Variants in SLC25A48 observed in about 807,000 individuals in gnomAD.
The protein encoded by SLC25A48 is solute carrier family 25 member 48, also known as CTC-321K16.1.
SLC25A48 carries 29 observed loss-of-function variants against 32.2 expected under a neutral mutation model. The observed-to-expected ratio is 0.90, with a 90% CI of 0.67 to 1.23. The LOEUF (loss-of-function observed/expected upper bound fraction) is 1.23, where lower values mean the gene tolerates loss of function less well. Among genes scored for constraint, SLC25A48 ranks in the 50% most tolerant of loss-of-function variants. SLC25A48 has a pLI of 0.00. For synonymous variants in SLC25A48, 164 were observed against 172.3 expected (o/e 0.95, Z 0.38); for missense variants, 399 against 422.7 (o/e 0.94, Z 0.49).
chr5:135,879,587 A>G (rs1309201366), intron 6 of SLC25A48, among the ~76,000 whole-genome samples: 1 of 127,936 alleles, frequency 7.8e-6, no homozygotes, highest in African/African-American at 3.4e-5. Context: ...TCCCGAGGAG[A>G]GAGAGAGAGA....
At chr5:135,871,831 C>T in intron 5 of SLC25A48, 113 bp downstream of exon 5, 3 of 1,544,056 alleles carry the variant, frequency 1.9e-6, no homozygotes, top group Non-Finnish European at 2.6e-6. Context: ...CATTTAGGTA[C>T]TCACCCAACA....
chr5:135,741,258 G>A (rs1056994948), intron 3 of SLC25A48, among the ~76,000 whole-genome samples: 1 of 152,148 alleles, frequency 6.6e-6, no homozygotes, highest in African/African-American at 2.4e-5. Flanking sequence ...TTTTATTAAA[G>A]TTGACATCCA....
In SLC25A48 at chr5:135,718,562, C is replaced by A. The variant is rs569312035; in HGVS notation, c.-521+83606C>A. Among the ~76,000 whole-genome samples, 15 of 152,250 alleles carry A rather than the reference C, an allele frequency of 9.9e-5. No homozygotes were observed. In the South Asian group the frequency reaches 2.9e-3, roughly 30 times the overall value. On this transcript the variant is annotated intron_variant, in intron 3 of 10. Transcript: ENST00000646290. ...GAAGAATTTAGCACCATGACTGTCA[C>A]ACAGTAATAATGAATATAAACGTGT...
At chr5:135,788,268 A>G (rs1169929742) in intron 3 of SLC25A48, among the ~76,000 whole-genome samples, 2 of 150,666 alleles carry the variant, frequency 1.3e-5, no homozygotes, top group African/African-American at 4.9e-5. Flanking sequence ...ATTATTCACT[A>G]TGGGGTGGGG....
intron 4 of SLC25A48, among the ~76,000 whole-genome samples, chr5:135,860,652 T>C (rs1053009880): frequency 1.3e-5 from 2 of 152,224 alleles, no homozygotes; most frequent in Non-Finnish European, 2.9e-5. Flanking sequence ...GTGAATTGCA[T>C]AGAATGGGGC....
chr5:135,766,750 T>G (rs1756242740), intron 3 of SLC25A48, among the ~76,000 whole-genome samples: 1 of 149,868 alleles, frequency 6.7e-6, no homozygotes, highest in South Asian at 2.1e-4. Flanking sequence ...CAGGAGTGTA[T>G]ACACCCCTGT....
At chr5:135,822,719 T>C (rs374679653) in intron 4 of SLC25A48, among the ~76,000 whole-genome samples, 10 of 152,226 alleles carry the variant, frequency 6.6e-5, no homozygotes, top group African/African-American at 2.4e-4. Flanking sequence ...GACTTGAACA[T>C]GTCCTATGGG....
intron 3 of SLC25A48, among the ~76,000 whole-genome samples, chr5:135,642,840 G>A (rs946778858): frequency 6.6e-6 from 1 of 152,198 alleles, no homozygotes; most frequent in African/African-American, 2.4e-5. Flanking sequence ...ACTCAAATGT[G>A]GCTCCTGATG....
chr5:135,775,411 G>A (rs1756528292), intron 3 of SLC25A48, among the ~76,000 whole-genome samples: 1 of 151,536 alleles, frequency 6.6e-6, no homozygotes, highest in South Asian at 2.1e-4. Flanking sequence ...TCCCTATATT[G>A]TTTCTAATGT....
At chr5:135,642,879 G>C (rs1360154704) in intron 3 of SLC25A48, among the ~76,000 whole-genome samples, 2 of 152,190 alleles carry the variant, frequency 1.3e-5, no homozygotes, top group Non-Finnish European at 2.9e-5. Flanking sequence ...GAGAGAAAAG[G>C]GCACAGGCTC....
intron 3 of SLC25A48, among the ~76,000 whole-genome samples, chr5:135,766,643 T>C (rs1175082143): frequency 7.1e-6 from 1 of 139,962 alleles, no homozygotes; most frequent in East Asian, 2.3e-4. Context: ...ATAATATCCA[T>C]GGGGGAGAGG....
At chr5:135,611,695 G>A (rs1423967338) in intron 1 of SLC25A48, among the ~76,000 whole-genome samples, 3 of 152,116 alleles carry the variant, frequency 2.0e-5, no homozygotes, top group Non-Finnish European at 2.9e-5. Context: ...CTGGGTGACA[G>A]TGTGAGACTC....
At chr5:135,707,027 T>A (rs1182934213) in intron 3 of SLC25A48, among the ~76,000 whole-genome samples, 4 of 152,062 alleles carry the variant, frequency 2.6e-5, no homozygotes, top group African/African-American at 9.7e-5. Flanking sequence ...AGTGAGTGGA[T>A]GAGTGGGCTT....
intron 1 of SLC25A48, among the ~76,000 whole-genome samples, chr5:135,597,829 C>A (rs778131993): frequency 2.6e-5 from 4 of 152,098 alleles, no homozygotes; most frequent in Non-Finnish European, 5.9e-5. Flanking sequence ...CATGGTGAAA[C>A]CTTGCCTCTA....
chr5:135,852,343 C>T (rs1265641369), intron 3 of SLC25A48, among the ~76,000 whole-genome samples: 2 of 152,168 alleles, frequency 1.3e-5, no homozygotes, highest in African/African-American at 4.8e-5. Flanking sequence ...ACACAACCCA[C>T]AGGAAACAAA....
chr5:135,842,873 C>T (rs1285545636), intron 2 of SLC25A48, among the ~76,000 whole-genome samples: 1 of 152,234 alleles, frequency 6.6e-6, no homozygotes, highest in Non-Finnish European at 1.5e-5. Flanking sequence ...CATCCCCACC[C>T]CTGCACCCGT....
chr5:135,699,744 C>T (rs954886527), intron 3 of SLC25A48, among the ~76,000 whole-genome samples: 22 of 152,304 alleles, frequency 1.4e-4, no homozygotes, highest in African/African-American at 5.3e-4. Flanking sequence ...GATAGACTGC[C>T]TAGTGAGGGT....
chr5:135,681,226 G>A (rs950435858), intron 3 of SLC25A48, among the ~76,000 whole-genome samples: 14 of 152,104 alleles, frequency 9.2e-5, no homozygotes, highest in African/African-American at 2.7e-4. Flanking sequence ...TGCCCACCTC[G>A]GCCTCCCAAA....
At position 135,855,900 on chromosome 5, in the gene SLC25A48, G is replaced by A. The variant is rs139551498; in HGVS notation, c.421+3079G>A. Among the ~76,000 whole-genome samples, 303 of 152,314 alleles carry A rather than the reference G, an allele frequency of 2.0e-3. 1 individual carries two copies. Among genetic ancestry groups the A allele is most frequent in the African/African-American group, 7.1e-3 (295 of 41,574 alleles). Reference sequence around the variant, plus strand: ...TTCAGCCCTTGCCTTTCCTGTTAGAGCTTCACTTCTTGTTGTGCGATGTAG... The same window carrying A: ...TTCAGCCCTTGCCTTTCCTGTTAGAACTTCACTTCTTGTTGTGCGATGTAG... On this transcript the variant is annotated intron_variant, in intron 4 of 7. Transcript: ENST00000681962.
Sources: gnomAD v4.1 joint callset for allele counts (sites outside exome capture counted in the v4.1 genomes callset) on GRCh38, gnomAD v4.1.1 for gene constraint, MANE v1.5 for transcripts, NCBI Gene and HGNC (gene_info 2026-07-23, HGNC 2026-07-21) for gene names.